The following FEZ2 variants were observed in gnomAD, a reference collection of about 807,000 sequenced individuals.
FEZ2 encodes the protein fasciculation and elongation protein zeta-2.
In FEZ2, 51 loss-of-function variants were observed where a neutral mutation model predicts 40.4. The ratio of observed to expected loss-of-function variants is 1.26; its 90% CI spans 1.01 to 1.59. FEZ2 has a LOEUF of 1.59. Ranked by LOEUF, FEZ2 falls within the 40% of genes most tolerant of loss-of-function variation. The probability of loss-of-function intolerance (pLI) is 0.00; values close to 1 mark genes in which losing one functional copy is unlikely to be tolerated. For missense variants in FEZ2, 640 were observed against 438.3 expected, an observed-to-expected ratio of 1.46 and a Z score of -4.11; for synonymous variants, 242 against 172.0, an observed-to-expected ratio of 1.41 and a Z score of -3.18.
chr2:36,566,295 G>C (rs192194205), intron 5 of FEZ2, among the ~76,000 whole-genome samples: 2 of 150,788 alleles, frequency 1.3e-5, no homozygotes, highest in African/African-American at 2.5e-5. Flanking sequence ...AGCCGAGATC[G>C]CGCCACTGCA....
At chr2:36,577,676 T>G (rs1668614514) in intron 5 of FEZ2, among the ~76,000 whole-genome samples, 1 of 152,230 alleles carries the variant, frequency 6.6e-6, no homozygotes. Flanking sequence ...TAACTGCTCA[T>G]TGGTGGCCCA....
intron 1 of FEZ2, chr2:36,594,705 T>G (rs1289556146): frequency 6.6e-6 from 1 of 152,316 alleles, no homozygotes; most frequent in African/African-American, 2.4e-5. Context: ...ACTATAGACC[T>G]AATCCTGGCA....
intron 2 of FEZ2, among the ~76,000 whole-genome samples, chr2:36,585,323 A>C (rs951447232): frequency 9.2e-5 from 14 of 152,360 alleles, no homozygotes; most frequent in African/African-American, 3.4e-4. Flanking sequence ...GCCCTTTCTC[A>C]AAAAGCTACC....
chr2:36,568,934 T>G (rs1668329501), intron 5 of FEZ2, among the ~76,000 whole-genome samples: 1 of 151,952 alleles, frequency 6.6e-6, no homozygotes, highest in South Asian at 2.1e-4. Flanking sequence ...CACCAAAATC[T>G]GAAAGACGAA....
chr2:36,560,779 G>A (rs762780271), intron 5 of FEZ2: 28 of 1,577,072 alleles, frequency 1.8e-5, no homozygotes, highest in Middle Eastern at 3.3e-4. Context: ...AAGGATAACC[G>A]AGCACCTGTT....
intron 7 of FEZ2, chr2:36,554,328 A>G: frequency 4.2e-6 from 2 of 470,958 alleles, no homozygotes; most frequent in Non-Finnish European, 8.8e-6. Context: ...TTGGGTCATA[A>G]CATCCTTCCA....
intron 1 of FEZ2, among the ~76,000 whole-genome samples, chr2:36,594,937 A>G (rs1182784906): frequency 6.6e-6 from 1 of 152,252 alleles, no homozygotes; most frequent in African/African-American, 2.4e-5. Flanking sequence ...GGAAGGACAC[A>G]GAGGCAACTC....
chr2:36,596,479 CAA>C (rs1669225631), intron 1 of FEZ2, among the ~76,000 whole-genome samples: 1 of 152,178 alleles, frequency 6.6e-6, no homozygotes, highest in Admixed American at 6.5e-5. Context: ...ATTTTTGAGA[CAA>C]AGTCTCGCTC....
intron 5 of FEZ2, among the ~76,000 whole-genome samples, chr2:36,570,544 T>A (rs1668378762): frequency 6.6e-6 from 1 of 152,240 alleles, no homozygotes; most frequent in African/African-American, 2.4e-5. Flanking sequence ...ATACTCTAAG[T>A]ACAGTCATGT....
chr2:36,553,057 T>C lies in FEZ2; in HGVS notation c.*106A>G. On this transcript the variant is annotated 3_prime_UTR_variant, in exon 8 of 8. Transcript: ENST00000405912. The stretch of plus-strand genomic sequence containing the variant: ...TGTTAATACTGAATCAAACCCAAGT[T>C]CAAATGTGCTGAGTTTCCAATAGCA... 1.1e-6 allele frequency: 1 copy of C among 901,142 alleles called. No individual in the cohort carries two copies. Among genetic ancestry groups the C allele is most frequent in the Non-Finnish European group, 1.8e-6 (1 of 567,686 alleles). 55.8% of individuals were successfully genotyped at this position (901,142 alleles called of 1,614,324 possible).
At chr2:36,571,609 G>A (rs1668413432) in intron 5 of FEZ2, among the ~76,000 whole-genome samples, 1 of 151,622 alleles carries the variant, frequency 6.6e-6, no homozygotes, top group Non-Finnish European at 1.5e-5. Flanking sequence ...GGGCCCAGAT[G>A]GCACCACTGC....
intron 7 of FEZ2, 43 bp downstream of exon 7, chr2:36,555,640 C>A (rs777216475): frequency 6.9e-6 from 8 of 1,161,062 alleles, no homozygotes; most frequent in Non-Finnish European, 7.5e-6. Context: ...ACTGACTAAT[C>A]CAAACCTCCC....
At chr2:36,577,593 T>A (rs1668612089) in intron 5 of FEZ2, among the ~76,000 whole-genome samples, 1 of 152,152 alleles carries the variant, frequency 6.6e-6, no homozygotes. Flanking sequence ...AACATTACAC[T>A]GAAAAAAATG....
Position 36,581,329 on chromosome 2 carries a change from G to C in FEZ2, c.595C>G (p.Gln199Glu), listed in dbSNP as rs753506178. 6.2e-7 allele frequency: 1 copy of C among 1,613,812 alleles called. No homozygotes were observed. The highest frequency in any genetic ancestry group is 1.3e-5 in the African/African-American group (1 of 74,998). ...DRLSMLSQEI[Q>E]TLKRSSTGSY... ...CCGGTACTAGACCTCTTGAGAGTTT[G>C]AATTTCCTGGGAAAGCATTGAAAGC... is the stretch of plus-strand genomic sequence containing the variant. Residue 199 changes from glutamine (Q) to glutamate (E), a missense_variant, in exon 4 of 8, where the codon CAA becomes GAA. Transcript: ENST00000405912.
chr2:36,559,309 C>A (rs960474352), intron 5 of FEZ2: 1 of 152,162 alleles, frequency 6.6e-6, no homozygotes, highest in African/African-American at 2.4e-5. Context: ...CCTGTTCTTA[C>A]CATCCCACCA....
chr2:36,579,092 GC>G (rs893020987), intron 4 of FEZ2: 2 of 455,278 alleles, frequency 4.4e-6, no homozygotes, highest in African/African-American at 4.0e-5. Flanking sequence ...TCACTTCTCA[GC>G]TTGCTGGCAA....
intron 2 of FEZ2, among the ~76,000 whole-genome samples, chr2:36,585,477 G>A (rs75878967): frequency 0.014 from 2,196 of 152,274 alleles, 20 homozygotes; most frequent in Middle Eastern, 0.044. Flanking sequence ...AATTTTTATT[G>A]CAGAGAGCAT....
intron 1 of FEZ2, among the ~76,000 whole-genome samples, chr2:36,591,972 T>C (rs1025033302): frequency 2.7e-4 from 41 of 152,206 alleles, no homozygotes; most frequent in Admixed American, 1.9e-3. Context: ...AACTCAAATT[T>C]CACAACCAAA....
At chr2:36,574,681 G>A (rs911213854) in intron 5 of FEZ2, among the ~76,000 whole-genome samples, 4 of 151,666 alleles carry the variant, frequency 2.6e-5, no homozygotes, top group Non-Finnish European at 4.4e-5. Flanking sequence ...GACAGAAGCA[G>A]CAGGTAAGGA....
Sources: gnomAD v4.1 joint callset for allele counts (sites outside exome capture counted in the v4.1 genomes callset) on GRCh38, gnomAD v4.1.1 for gene constraint, MANE v1.5 for transcripts, NCBI Gene and HGNC (gene_info 2026-07-23, HGNC 2026-07-21) for gene names.